Variants in NEO1 observed in about 807,000 individuals in gnomAD.
NEO1 encodes neogenin 1.
A neutral mutation model predicts 159.7 loss-of-function variants in NEO1; 63 were observed. The ratio of observed to expected loss-of-function variants is 0.39; its 90% CI spans 0.32 to 0.49. NEO1 has a LOEUF of 0.49. NEO1 is among the 20% of genes least tolerant of loss of function. The probability of loss-of-function intolerance (pLI) is 0.85; values close to 1 mark genes in which losing one functional copy is unlikely to be tolerated. For missense variants in NEO1, 1,615 were observed against 1,831.0 expected (o/e 0.88, Z 2.15); for synonymous variants, 633 against 662.0 (o/e 0.96, Z 0.67).
At chr15:73,082,181 T>C (rs1255262075) in intron 1 of NEO1, among the ~76,000 whole-genome samples, 1 of 152,188 alleles carries the variant, frequency 6.6e-6, no homozygotes, top group East Asian at 1.9e-4. Flanking sequence ...GCCTAAATAC[T>C]TGATAAGAAT....
intron 8 of NEO1, among the ~76,000 whole-genome samples, chr15:73,241,557 AC>A (rs2039488260): frequency 6.6e-6 from 1 of 152,150 alleles, no homozygotes; most frequent in African/African-American, 2.4e-5. Flanking sequence ...AGCATTAGTG[AC>A]TTTTCCTCAC....
At chr15:73,269,923 T>C (rs1291209002) in intron 16 of NEO1, 87 bp from the exon 17 acceptor site, 5 of 1,019,614 alleles carry the variant, frequency 4.9e-6, no homozygotes, top group Non-Finnish European at 7.5e-6. Flanking sequence ...CACCTTTCAT[T>C]CCATTATATT....
At position 73,266,360 on chromosome 15, in the gene NEO1, G is replaced by A. The variant is rs145923699; in HGVS notation, c.2443G>A (p.Val815Met). 7.8e-5 allele frequency: 126 copies of A among 1,613,386 alleles called. No individual in the cohort carries two copies. The highest frequency in any genetic ancestry group is 1.7e-4 in the African/African-American group (13 of 74,828). The change falls in exon 16 of 29, where the codon GTG (valine) becomes ATG (methionine). Residue 815 changes from valine (V) to methionine (M), a missense_variant. This residue lies in a region of NEO1 where 1,018 missense variants were observed against 1,115.4 expected (regional missense o/e 0.91). Coordinates refer to ENST00000261908, the MANE Select transcript of NEO1 (RefSeq NM_002499.4). Reference sequence around the variant, plus strand: ...GATTACCCTGAAAGCATTTAATAACGTGGGTGAAGGCATCCCCCTGTATGA... The same window carrying A: ...GATTACCCTGAAAGCATTTAATAACATGGGTGAAGGCATCCCCCTGTATGA... ...YVITLKAFNN[V>M]GEGIPLYESA... is the part of the protein sequence containing the mutation.
intron 1 of NEO1, among the ~76,000 whole-genome samples, chr15:73,097,654 C>T (rs2070139048): frequency 6.6e-6 from 1 of 152,052 alleles, no homozygotes; most frequent in Admixed American, 6.5e-5. Flanking sequence ...AGCCACTATG[C>T]CCAGCCCAGA....
chr15:73,150,641 C>T (rs540498412), intron 5 of NEO1, among the ~76,000 whole-genome samples: 4 of 152,130 alleles, frequency 2.6e-5, no homozygotes, highest in South Asian at 2.1e-4. Flanking sequence ...TTTTCTCTTT[C>T]GAGGTAAAAT....
intron 1 of NEO1, among the ~76,000 whole-genome samples, chr15:73,070,363 A>C (rs2068470950): frequency 6.6e-6 from 1 of 152,242 alleles, no homozygotes; most frequent in Admixed American, 6.5e-5. Context: ...GAGAGATATC[A>C]TGAACTATAT....
intron 11 of NEO1, 37 bp downstream of exon 11, chr15:73,249,758 T>C (rs1473388902): frequency 6.3e-7 from 1 of 1,583,214 alleles, no homozygotes. Context: ...ATACCACACT[T>C]GGTGCCCCTA....
intron 7 of NEO1, among the ~76,000 whole-genome samples, chr15:73,187,394 T>G (rs980482380): frequency 3.9e-5 from 6 of 152,170 alleles, no homozygotes; most frequent in African/African-American, 1.4e-4. Context: ...GTTTGCCTTT[T>G]TTTCCTCCCA....
intron 1 of NEO1, among the ~76,000 whole-genome samples, chr15:73,101,512 T>C (rs1039731018): frequency 1.3e-5 from 2 of 152,190 alleles, no homozygotes; most frequent in African/African-American, 4.8e-5. Context: ...CCAATCCTAA[T>C]CTCTGCCTCT....
At chr15:73,220,412 T>C (rs985225219) in intron 7 of NEO1, among the ~76,000 whole-genome samples, 54 of 152,078 alleles carry the variant, frequency 3.6e-4, no homozygotes, top group African/African-American at 1.2e-3. Flanking sequence ...TGTCTTGGAG[T>C]TGCTCTTCTC....
intron 7 of NEO1, among the ~76,000 whole-genome samples, chr15:73,186,359 A>G (rs2035928616): frequency 6.6e-6 from 1 of 152,126 alleles, no homozygotes; most frequent in Non-Finnish European, 1.5e-5. Context: ...AAGGCAACCA[A>G]AACTATACCC....
At chr15:73,190,885 A>G (rs1169910011) in intron 7 of NEO1, among the ~76,000 whole-genome samples, 1 of 152,044 alleles carries the variant, frequency 6.6e-6, no homozygotes, top group Non-Finnish European at 1.5e-5. Context: ...ACTGGATTAC[A>G]TATTGTAATT....
rs74477065 is a variant in NEO1 at position 73,115,433 on chromosome 15, T to G, written c.131-1107T>G. On this transcript the variant is annotated intron_variant, in intron 1 of 28. Coordinates refer to ENST00000261908, the MANE Select transcript of NEO1 (RefSeq NM_002499.4). ...GTTTATCATTGAAGTATTGGAAAACTTTTAAAACAATTGAATGTTATTTCT... is the reference window on the plus strand; with the variant it reads ...GTTTATCATTGAAGTATTGGAAAACGTTTAAAACAATTGAATGTTATTTCT... 8.6e-3 allele frequency among the ~76,000 whole-genome samples: 1,308 copies of G among 152,346 alleles called. 22 individuals carry two copies. Among genetic ancestry groups the G allele is most frequent in the African/African-American group, 0.03 (1,233 of 41,576 alleles).
intron 5 of NEO1, among the ~76,000 whole-genome samples, chr15:73,141,978 T>G (rs1013543720): frequency 2.0e-5 from 3 of 152,340 alleles, no homozygotes; most frequent in East Asian, 1.9e-4. Flanking sequence ...CCAGTGCGCC[T>G]GGATTCCAGT....
At chr15:73,132,542 A>G (rs1408683813) in intron 4 of NEO1, among the ~76,000 whole-genome samples, 3 of 152,190 alleles carry the variant, frequency 2.0e-5, no homozygotes, top group Non-Finnish European at 4.4e-5. Flanking sequence ...AATAGATGGG[A>G]CTTAATTTAA....
chr15:73,251,859 A>G (rs1456340429), intron 11 of NEO1, among the ~76,000 whole-genome samples: 1 of 152,216 alleles, frequency 6.6e-6, no homozygotes, highest in African/African-American at 2.4e-5. Flanking sequence ...GATCTACAAA[A>G]TAGGAATGAG....
chr15:73,278,939 G>C (rs1454327896), intron 22 of NEO1, among the ~76,000 whole-genome samples: 2 of 152,202 alleles, frequency 1.3e-5, no homozygotes, highest in Non-Finnish European at 2.9e-5. Context: ...GGAACCTAGA[G>C]TGGAAAGTGT....
chr15:73,265,992 A>C (rs866897692), intron 15 of NEO1, among the ~76,000 whole-genome samples: 4 of 152,238 alleles, frequency 2.6e-5, no homozygotes, highest in South Asian at 2.1e-4. Context: ...AGACTTCAGC[A>C]CATTAAATCT....
At chr15:73,272,691 T>A in intron 19 of NEO1, 129 bp downstream of exon 19, 1 of 669,062 alleles carries the variant, frequency 1.5e-6, no homozygotes, top group Non-Finnish European at 2.6e-6. Context: ...TGGTAAGGTG[T>A]GAGTCATGAT....
Sources: gnomAD v4.1 joint callset for allele counts (sites outside exome capture counted in the v4.1 genomes callset) on GRCh38, gnomAD v4.1.1 for gene constraint, gnomAD v4.1.1 regional missense constraint, MANE v1.5 for transcripts, NCBI Gene and HGNC (gene_info 2026-07-23, HGNC 2026-07-21) for gene names.